The following PAH variants were observed in gnomAD, a reference collection of about 807,000 sequenced individuals.
PAH encodes phenylalanine hydroxylase, also known as phenylalanine-4-hydroxylase.
A neutral mutation model predicts 62.0 loss-of-function variants in PAH; 64 were observed. The observed-to-expected ratio is 1.03, with a 90% CI of 0.84 to 1.27. The LOEUF is 1.27. Ranked by LOEUF, PAH falls within the 50% of genes most tolerant of loss-of-function variation. PAH has a pLI of 0.00. For missense variants in PAH, 579 were observed against 542.8 expected, an observed-to-expected ratio of 1.07 and a Z score of -0.66; for synonymous variants, 195 against 196.2, an observed-to-expected ratio of 0.99 and a Z score of 0.05.
At chr12:102,881,982 T>C (rs1335635169) in intron 3 of PAH, among the ~76,000 whole-genome samples, 1 of 152,190 alleles carries the variant, frequency 6.6e-6, no homozygotes, top group East Asian at 1.9e-4. Context: ...TACTCAGACA[T>C]GAGATTTCTG....
chr12:102,842,527 C>A (rs1209982951), intron 11 of PAH, among the ~76,000 whole-genome samples: 1 of 152,070 alleles, frequency 6.6e-6, no homozygotes, highest in African/African-American at 2.4e-5. Context: ...TTAGCTGGAC[C>A]TGTCTTGTCC....
chr12:102,867,891 A>ATC (rs1876056363), intron 4 of PAH, among the ~76,000 whole-genome samples: 2 of 145,984 alleles, frequency 1.4e-5, no homozygotes, highest in African/African-American at 5.0e-5. Flanking sequence ...ATGTATATAC[A>ATC]TATATAGATG....
At chr12:102,906,644 G>A (rs1877987891) in intron 2 of PAH, among the ~76,000 whole-genome samples, 1 of 151,126 alleles carries the variant, frequency 6.6e-6, no homozygotes, top group African/African-American at 2.5e-5. Flanking sequence ...GGCACATTAA[G>A]TGATTTAATC....
rs62642935 is a variant in PAH, at chr12:102,846,938, G to T, written c.926C>A (p.Ala309Asp). The T allele has an allele frequency of 3.7e-6, 6 of 1,613,552 alleles. No homozygotes were observed. Among genetic ancestry groups the T allele is most frequent in the Middle Eastern group, 1.7e-4 (1 of 6,060 alleles). ...GTATTCATCAGGTGCACCCAGAGAG[G>T]CAAGGCCAATTTCCTGTAATTGGGG... Reference protein sequence around the residue: ...FAQFSQEIGLASLGAPDEYIE... With the variant: ...FAQFSQEIGLDSLGAPDEYIE... The change falls in exon 9 of 13, where the codon GCC (alanine) becomes GAC (aspartate). Residue 309 changes from alanine (A) to aspartate (D), a missense_variant. Ala to Asp is a moderately radical substitution (Grantham distance 126, BLOSUM62 -2). Coordinates refer to ENST00000553106, the MANE Select transcript of PAH (RefSeq NM_000277.3).
At chr12:102,845,414 C>T (rs772894) in intron 9 of PAH, among the ~76,000 whole-genome samples, 130,030 of 152,208 alleles carry the variant, frequency 0.85, 55,620 homozygotes, top group South Asian at 0.91. Context: ...AGGTAGCAGA[C>T]TGGGTAGTGA....
chr12:102,884,137 G>C (rs748421904), intron 3 of PAH, among the ~76,000 whole-genome samples: 1 of 152,182 alleles, frequency 6.6e-6, no homozygotes, highest in African/African-American at 2.4e-5. Context: ...TAATGCCCTT[G>C]GGTGCAGCCT....
At chr12:102,910,870 C>T (rs748813347) in intron 2 of PAH, among the ~76,000 whole-genome samples, 7 of 152,142 alleles carry the variant, frequency 4.6e-5, no homozygotes, top group Non-Finnish European at 1.0e-4. Flanking sequence ...TACCTCACCA[C>T]CACTACTGCC....
In PAH at chr12:102,840,521, A is replaced by G; in HGVS notation, c.1200-6T>C. The G allele has an allele frequency of 6.3e-7, 1 of 1,596,064 alleles. No homozygotes were observed. The highest frequency in any genetic ancestry group is 8.6e-7 in the Non-Finnish European group (1 of 1,163,672). On this transcript the variant is annotated splice_polypyrimidine_tract_variant and splice_region_variant and intron_variant, in intron 11 of 12. Coordinates refer to ENST00000553106, the MANE Select transcript of PAH (RefSeq NM_000277.3). The stretch of plus-strand genomic sequence containing the variant: ...GTATTGTGGCAGCAAAGTTCCTAAG[A>G]CCAAAACCACAGGCTTGAGTGAAGG...
In PAH at chr12:102,903,744, G is replaced by A. The variant is rs1592983968; in HGVS notation, c.169-8826C>T. Among the ~76,000 whole-genome samples the A allele has an allele frequency of 2.0e-5, 3 of 152,178 alleles. No individual in the cohort carries two copies. The East Asian group carries it at 5.8e-4, about 29-fold the overall frequency. On this transcript the variant is annotated intron_variant, in intron 2 of 12. Transcript: ENST00000553106. ...AAGCTTGTTTAGTCTGAGCCTCTGTGTCTTCATCAATTGAATGATGCTGTC... is the reference window on the plus strand; with the variant it reads ...AAGCTTGTTTAGTCTGAGCCTCTGTATCTTCATCAATTGAATGATGCTGTC...
chr12:102,927,149 C>T (rs1418081136), intron 1 of PAH, among the ~76,000 whole-genome samples: 1 of 152,056 alleles, frequency 6.6e-6, no homozygotes, highest in Non-Finnish European at 1.5e-5. Flanking sequence ...ACATCAAATC[C>T]AAAGTTATCA....
At chr12:102,839,291 A>T in intron 12 of PAH, 73 bp from the exon 13 acceptor site, 1 of 1,420,108 alleles carries the variant, frequency 7.0e-7, no homozygotes, top group Non-Finnish European at 1.0e-6. Flanking sequence ...CCTCAGTGCA[A>T]AGCACTAGGG....
chr12:102,958,405 A>AGCAGCG, upstream of PAH: 2 of 1,506,452 alleles, frequency 1.3e-6, no homozygotes, highest in Non-Finnish European at 1.8e-6. Context: ...CAGCAGCAGC[A>AGCAGCG]GCAGCAGCAG....
intron 5 of PAH, among the ~76,000 whole-genome samples, chr12:102,861,307 C>T (rs1033864981): frequency 7.9e-5 from 12 of 152,120 alleles, no homozygotes; most frequent in South Asian, 4.2e-4. Context: ...GTTAGAATGG[C>T]GATCATTAAA....
chr12:102,892,190 C>T (rs1877305739), intron 3 of PAH, among the ~76,000 whole-genome samples: 1 of 152,296 alleles, frequency 6.6e-6, no homozygotes, highest in South Asian at 2.1e-4. Flanking sequence ...AGAATGAAGG[C>T]AGAGATGAGT....
At chr12:102,870,304 A>C (rs1876250680) in intron 4 of PAH, among the ~76,000 whole-genome samples, 2 of 152,238 alleles carry the variant, frequency 1.3e-5, no homozygotes, top group Non-Finnish European at 1.5e-5. Context: ...TTTTAAAGTC[A>C]GAAAAGCTGT....
chr12:102,957,025 C>T lies in PAH; in HGVS notation c.-96+1170G>A, dbSNP rs980345945. ...CTAGAACCCACGTTTTCACATAGTC[C>T]AGCACTTTTTTTCACTGTTCTGGAC... On this transcript the variant is annotated intron_variant, in intron 1 of 4. Coordinates refer to the PAH transcript ENST00000551337. This position sits in a 1 kb window ranked among gnomAD's most constrained non-coding sequence, Gnocchi z 4.1. Among the ~76,000 whole-genome samples, 1 of 152,182 alleles carries T rather than the reference C, an allele frequency of 6.6e-6. No homozygotes were observed. Among genetic ancestry groups the T allele is most frequent in the Non-Finnish European group, 1.5e-5 (1 of 68,036 alleles).
chr12:102,875,987 C>A (rs1358629191), intron 4 of PAH, among the ~76,000 whole-genome samples: 1 of 149,686 alleles, frequency 6.7e-6, no homozygotes, highest in Non-Finnish European at 1.5e-5. Context: ...GGAGGCACAC[C>A]CAAATATTAA....
At chr12:102,839,368 G>T in intron 12 of PAH, 150 bp from the exon 13 acceptor site, 1 of 723,474 alleles carries the variant, frequency 1.4e-6, no homozygotes, top group South Asian at 1.6e-5. Context: ...GCCTCATTAT[G>T]GTATAAGTAC....
chr12:102,901,578 T>C (rs1877761683), intron 2 of PAH, among the ~76,000 whole-genome samples: 1 of 152,094 alleles, frequency 6.6e-6, no homozygotes, highest in Non-Finnish European at 1.5e-5. Flanking sequence ...TTACCCTAAA[T>C]TTTTCTCAGC....
Sources: allele counts gnomAD v4.1 joint callset (sites outside exome capture counted in the v4.1 genomes callset), GRCh38; gene constraint gnomAD v4.1.1; non-coding constraint Gnocchi (gnomAD v3.1); transcripts MANE v1.5; gene names NCBI Gene and HGNC (gene_info 2026-07-23, HGNC 2026-07-21).